SRFBP1: variants seen among roughly 807,000 people sequenced by gnomAD.
SRFBP1 encodes the protein serum response factor-binding protein 1.
In SRFBP1, 47 loss-of-function variants were observed where a neutral mutation model predicts 45.5. The observed-to-expected ratio is 1.03, with a 90% CI of 0.82 to 1.32. SRFBP1 has a LOEUF of 1.32. SRFBP1 is among the 40% of genes most tolerant of loss of function. The pLI, the probability that SRFBP1 is intolerant of heterozygous loss-of-function variation, is 0.00. For missense variants in SRFBP1, 621 were observed against 484.6 expected (o/e 1.28, Z -2.64); for synonymous variants, 203 against 166.3 (o/e 1.22, Z -1.70).
At chr5:122,049,287 A>G (rs913238652) in intron 2 of SRFBP1, among the ~76,000 whole-genome samples, 1 of 152,190 alleles carries the variant, frequency 6.6e-6, no homozygotes, top group Non-Finnish European at 1.5e-5. Flanking sequence ...GAAGGCCATT[A>G]CATAATGGTA....
chr5:122,040,540 C>T (rs1174997684), intron 2 of SRFBP1, among the ~76,000 whole-genome samples: 2 of 152,116 alleles, frequency 1.3e-5, no homozygotes, highest in South Asian at 2.1e-4. Context: ...TATTTTTCAA[C>T]GACTACGGTA....
In SRFBP1 at chr5:121,987,621, C is replaced by G. The variant is rs180930861; in HGVS notation, c.199-6978C>G. Reference sequence around the variant, plus strand: ...ATAGACCAAAAATTTAGAACCCAGACATTTCTTGGCACCTTCTAATTTTTT... The same window carrying G: ...ATAGACCAAAAATTTAGAACCCAGAGATTTCTTGGCACCTTCTAATTTTTT... On this transcript the variant is annotated intron_variant, in intron 3 of 7. Transcript: ENST00000339397. Among the ~76,000 whole-genome samples the G allele has an allele frequency of 1.7e-3, 260 of 152,242 alleles. 1 individual carries two copies. The highest frequency in any genetic ancestry group is 5.3e-3 in the African/African-American group (219 of 41,546).
At chr5:121,998,204 A>T (rs1394626805) in intron 4 of SRFBP1, among the ~76,000 whole-genome samples, 1 of 151,990 alleles carries the variant, frequency 6.6e-6, no homozygotes, top group Non-Finnish European at 1.5e-5. Context: ...TGCTATAAAG[A>T]CACATGCACA....
In SRFBP1 at chr5:121,981,959, A is replaced by C. The variant is rs777401166; in HGVS notation, c.198+6572A>C. ...TTGGCTAGCTGACTGAGTGACTTCT[A>C]CTGCAATTTTTTTTTTTTACATGTT... On this transcript the variant is annotated intron_variant, in intron 3 of 7. Coordinates refer to ENST00000339397, the MANE Select transcript of SRFBP1 (RefSeq NM_152546.3). Among the ~76,000 whole-genome samples, 23 of 151,168 alleles carry C rather than the reference A, an allele frequency of 1.5e-4. No individual in the cohort carries two copies. In the South Asian group the frequency reaches 4.4e-3, roughly 29 times the overall value.
In SRFBP1 at chr5:122,062,689, G is replaced by A. The variant is rs1168679531; in HGVS notation, n.312-12626G>A. On this transcript the variant is annotated intron_variant and non_coding_transcript_variant, in intron 2 of 2. Transcript: ENST00000504881. Reference sequence around the variant, plus strand: ...TTTACCTGCAAGACTCCTTAAGGATGAATTGTTTTTGTGGGTTAATTTTGT... The same window carrying A: ...TTTACCTGCAAGACTCCTTAAGGATAAATTGTTTTTGTGGGTTAATTTTGT... 3.9e-5 allele frequency among the ~76,000 whole-genome samples: 6 copies of A among 152,112 alleles called. No homozygotes were observed. In the East Asian group the frequency reaches 1.2e-3, roughly 29 times the overall value.
intron 2 of SRFBP1, among the ~76,000 whole-genome samples, chr5:122,037,006 C>T (rs1174465295): frequency 6.6e-6 from 1 of 151,606 alleles, no homozygotes; most frequent in East Asian, 1.9e-4. Flanking sequence ...TCAAGCAATT[C>T]TCCTGCCTCA....
intron 2 of SRFBP1, among the ~76,000 whole-genome samples, chr5:122,050,848 G>A (rs1753960594): frequency 1.3e-5 from 2 of 151,548 alleles, no homozygotes; most frequent in South Asian, 4.2e-4. Context: ...ATGTTAGGTT[G>A]TTAATTTGAG....
intron 4 of SRFBP1, among the ~76,000 whole-genome samples, chr5:122,010,306 G>T (rs1396147143): frequency 6.6e-6 from 1 of 152,030 alleles, no homozygotes; most frequent in Non-Finnish European, 1.5e-5. Context: ...CTATTTTTAT[G>T]TGTTCGTTCT....
chr5:122,071,070 A>G (rs935601380), intron 2 of SRFBP1, among the ~76,000 whole-genome samples: 6 of 151,614 alleles, frequency 4.0e-5, no homozygotes, highest in Admixed American at 6.6e-5. Context: ...GCATTATAAC[A>G]TGCTATGTAA....
chr5:122,061,415 C>G (rs901585540), intron 2 of SRFBP1, among the ~76,000 whole-genome samples: 1 of 150,374 alleles, frequency 6.7e-6, no homozygotes, highest in Non-Finnish European at 1.5e-5. Flanking sequence ...ATTTTTTTCT[C>G]TCTCCAAATT....
Position 122,022,386 on chromosome 5 carries a change from G to C in SRFBP1, c.1084G>C (p.Ala362Pro). 1 of 1,611,442 alleles carries C rather than the reference G, an allele frequency of 6.2e-7. No homozygotes were observed. Among genetic ancestry groups the C allele is most frequent in the South Asian group, 1.1e-5 (1 of 90,486 alleles). ...KSSRRNFKEQ[A>P]PKTRSLDFPQ... Reference sequence around the variant, plus strand: ...TTCTTTTAGAAATTTCAAAGAACAGGCTCCAAAAACAAGATCCCTAGGTAT... The same window carrying C: ...TTCTTTTAGAAATTTCAAAGAACAGCCTCCAAAAACAAGATCCCTAGGTAT... The change falls in exon 7 of 8, where the codon GCT becomes CCT. Residue 362 changes from alanine to proline, a missense_variant. Transcript: ENST00000339397.
At chr5:122,024,116 G>A (rs1194212541) in intron 7 of SRFBP1, among the ~76,000 whole-genome samples, 1 of 152,114 alleles carries the variant, frequency 6.6e-6, no homozygotes, top group African/African-American at 2.4e-5. Context: ...AGATTCTTTT[G>A]TTCTCTCTGT....
chr5:121,987,379 T>C (rs1752539733), intron 3 of SRFBP1, among the ~76,000 whole-genome samples: 1 of 152,150 alleles, frequency 6.6e-6, no homozygotes, highest in Admixed American at 6.6e-5. Flanking sequence ...GGAAAAAAAA[T>C]CTATTGGCAA....
rs1316869603 is a variant in SRFBP1 at position 122,043,735 on chromosome 5, G to A, written n.311+21328G>A. 5.3e-5 allele frequency among the ~76,000 whole-genome samples: 8 copies of A among 152,066 alleles called. No individual in the cohort carries two copies. The East Asian group carries it at 1.5e-3, about 29-fold the overall frequency. On this transcript the variant is annotated intron_variant and non_coding_transcript_variant, in intron 2 of 2. Coordinates refer to the SRFBP1 transcript ENST00000504881. The stretch of plus-strand genomic sequence containing the variant: ...TCAGCAAACTTTTTTTGTAACAGAT[G>A]AGGTTGTAAATATTCTAGACTTTGC...
chr5:122,002,008 C>T (rs182473946), intron 4 of SRFBP1, among the ~76,000 whole-genome samples: 13 of 152,256 alleles, frequency 8.5e-5, no homozygotes, highest in African/African-American at 3.1e-4. Context: ...AATACTCATT[C>T]TTATATTACA....
downstream of SRFBP1, chr5:122,077,345 G>C (rs199948468): frequency 6.2e-7 from 1 of 1,613,520 alleles, no homozygotes; most frequent in African/African-American, 1.3e-5. The surrounding 1 kb of genome is among the most constrained non-coding windows in gnomAD (Gnocchi z 4.9). Flanking sequence ...GCGGACTTGG[G>C]GGTACTTACC....
chr5:122,078,249 G>A (rs937505793), downstream of SRFBP1: 2 of 400,258 alleles, frequency 5.0e-6, no homozygotes, highest in African/African-American at 4.2e-5. Flanking sequence ...CCCGGAGAGC[G>A]GGCAGTGTCT....
chr5:121,988,545 C>A (rs1336840408), intron 3 of SRFBP1, among the ~76,000 whole-genome samples: 1 of 152,324 alleles, frequency 6.6e-6, no homozygotes, highest in Non-Finnish European at 1.5e-5. Context: ...AAGGTAACAA[C>A]ATGTTCAAAG....
intron 3 of SRFBP1, among the ~76,000 whole-genome samples, chr5:121,992,156 A>G (rs890666656): frequency 3.3e-5 from 5 of 152,108 alleles, no homozygotes; most frequent in Non-Finnish European, 7.4e-5. Context: ...TAGAAGTCCT[A>G]ACAGTAACAG....
Sources: gnomAD v4.1 joint callset for allele counts (sites outside exome capture counted in the v4.1 genomes callset) on GRCh38, gnomAD v4.1.1 for gene constraint, Gnocchi (gnomAD v3.1) non-coding constraint, MANE v1.5 for transcripts, NCBI Gene and HGNC (gene_info 2026-07-23, HGNC 2026-07-21) for gene names.